MEI4: variants seen among roughly 807,000 people sequenced by gnomAD.
The protein encoded by MEI4 is meiosis-specific protein MEI4.
In MEI4, 27 loss-of-function variants were observed where a neutral mutation model predicts 31.4. The ratio of observed to expected loss-of-function variants is 0.86; its 90% confidence interval spans 0.63 to 1.19. The LOEUF (loss-of-function observed/expected upper bound fraction) is 1.19, where lower values mean the gene tolerates loss of function less well. MEI4 is among the 50% of genes most tolerant of loss of function. The pLI is 0.00. For synonymous variants in MEI4, 122 were observed against 145.4 expected, an observed-to-expected ratio of 0.84 and a Z score of 1.16; for missense variants, 329 against 398.9, an observed-to-expected ratio of 0.82 and a Z score of 1.49.
At chr6:77,708,551 G>T (rs184593481) in intron 2 of MEI4, among the ~76,000 whole-genome samples, 4 of 152,280 alleles carry the variant, frequency 2.6e-5, no homozygotes, top group Admixed American at 2.6e-4. Flanking sequence ...GAAATTTGGG[G>T]TGCCAGAGAC....
intron 2 of MEI4, among the ~76,000 whole-genome samples, chr6:77,715,609 C>A (rs1164490839): frequency 1.3e-5 from 2 of 152,124 alleles, no homozygotes; most frequent in Admixed American, 6.5e-5. Flanking sequence ...ATAGACTCTG[C>A]AGAATCAAGC....
chr6:77,835,000 C>G (rs573598954), intron 4 of MEI4, among the ~76,000 whole-genome samples: 1 of 152,232 alleles, frequency 6.6e-6, no homozygotes, highest in South Asian at 2.1e-4. Context: ...GCTATGCAAA[C>G]TTTCAGGCGT....
chr6:77,740,777 T>C (rs1476163265), intron 2 of MEI4, among the ~76,000 whole-genome samples: 2 of 151,936 alleles, frequency 1.3e-5, no homozygotes, highest in Non-Finnish European at 2.9e-5. Context: ...CACACATATT[T>C]ATATATTTAT....
chr6:77,811,106 G>A (rs962741648), intron 3 of MEI4, among the ~76,000 whole-genome samples: 1 of 152,146 alleles, frequency 6.6e-6, no homozygotes, highest in Admixed American at 6.5e-5. Flanking sequence ...GTTTGTAGAT[G>A]ATCTCCAGTA....
At chr6:77,813,257 A>T (rs1769615735) in intron 3 of MEI4, among the ~76,000 whole-genome samples, 1 of 152,100 alleles carries the variant, frequency 6.6e-6, no homozygotes, top group Non-Finnish European at 1.5e-5. Context: ...AGTTTGTTTC[A>T]GTTCTTAGTG....
Position 77,924,917 on chromosome 6 carries a change from CA to C in MEI4, c.*1572del, listed in dbSNP as rs1766809697. On this transcript the variant is annotated 3_prime_UTR_variant, in exon 5 of 5. Transcript: ENST00000684080. ...AATTATTAGGGCCAATAATTTACTT[CA>C]CAACAAGTACCAGTTGAATACAAGA... 1 of 151,850 alleles carries C rather than the reference CA, an allele frequency of 6.6e-6. No individual in the cohort carries two copies. Among genetic ancestry groups the C allele is most frequent in the African/African-American group, 2.4e-5 (1 of 41,388 alleles). 9.4% of individuals were successfully genotyped at this position (151,850 alleles called of 1,614,324 possible).
intron 2 of MEI4, among the ~76,000 whole-genome samples, chr6:77,758,771 C>T (rs1229187277): frequency 7.2e-5 from 11 of 152,196 alleles, no homozygotes; most frequent in Non-Finnish European, 1.3e-4. Context: ...TTTCCAACCT[C>T]TGCTTATCCA....
At chr6:77,891,560 TTGTATCTCAC>T (rs1474867414) in intron 4 of MEI4, among the ~76,000 whole-genome samples, 2 of 152,190 alleles carry the variant, frequency 1.3e-5, no homozygotes, top group Non-Finnish European at 2.9e-5. Flanking sequence ...CTTTGCTCTC[TTGTATCTCAC>T]TGTTTCTTCA....
At chr6:77,873,030 G>A (rs1244070615) in intron 4 of MEI4, among the ~76,000 whole-genome samples, 2 of 151,398 alleles carry the variant, frequency 1.3e-5, no homozygotes, top group Non-Finnish European at 2.9e-5. Flanking sequence ...GAATAGTGCT[G>A]CAATAAACAT....
chr6:77,859,416 G>A (rs1770817385), intron 4 of MEI4, among the ~76,000 whole-genome samples: 1 of 152,008 alleles, frequency 6.6e-6, no homozygotes. Flanking sequence ...GGTATTTCTG[G>A]TTCTAGATCC....
intron 4 of MEI4, among the ~76,000 whole-genome samples, chr6:77,865,167 A>C (rs956904999): frequency 6.6e-6 from 1 of 152,244 alleles, no homozygotes; most frequent in Non-Finnish European, 1.5e-5. Context: ...TCACAATTAA[A>C]AGAACTAGAG....
intron 1 of MEI4, among the ~76,000 whole-genome samples, chr6:77,671,509 C>T (rs562001698): frequency 6.6e-6 from 1 of 151,962 alleles, no homozygotes; most frequent in African/African-American, 2.4e-5. Flanking sequence ...TGAAAAAAAA[C>T]CGAAGTTTAT....
intron 4 of MEI4, among the ~76,000 whole-genome samples, chr6:77,886,922 T>G (rs1771633372): frequency 6.6e-6 from 1 of 152,204 alleles, no homozygotes; most frequent in Non-Finnish European, 1.5e-5. Flanking sequence ...TTTGATTAAT[T>G]TATCCTTTGT....
intron 2 of MEI4, among the ~76,000 whole-genome samples, chr6:77,746,382 G>A (rs75572973): frequency 0.012 from 1,802 of 152,260 alleles, 42 homozygotes; most frequent in African/African-American, 0.041. Flanking sequence ...GAAGCCCTGA[G>A]TTGAAACAAA....
Position 77,906,384 on chromosome 6 carries a change from A to T in MEI4, c.901-16705A>T, listed in dbSNP as rs114469058. Among the ~76,000 whole-genome samples, 536 of 152,184 alleles carry T rather than the reference A, an allele frequency of 3.5e-3. 1 individual carries two copies. Among genetic ancestry groups the T allele is most frequent in the African/African-American group, 0.01 (436 of 41,552 alleles). ...CAGCGGTGCTTGCTAGTTGGAGTTC[A>T]GAGGTTCCAGCACCAAGGGCAAAGT... On this transcript the variant is annotated intron_variant, in intron 4 of 4. Coordinates refer to ENST00000684080, the MANE Select transcript of MEI4 (RefSeq NM_001322247.2).
At chr6:77,792,342 G>C (rs1163760117) in intron 3 of MEI4, among the ~76,000 whole-genome samples, 1 of 152,130 alleles carries the variant, frequency 6.6e-6, no homozygotes, top group Non-Finnish European at 1.5e-5. Flanking sequence ...TCGTATGACA[G>C]TTGTAGTTTT....
chr6:77,773,086 A>G (rs1256890842), intron 3 of MEI4, among the ~76,000 whole-genome samples: 1 of 152,032 alleles, frequency 6.6e-6, no homozygotes, highest in African/African-American at 2.4e-5. Context: ...ATGGATTGGA[A>G]TAATCAATAT....
intron 1 of MEI4, among the ~76,000 whole-genome samples, chr6:77,685,616 T>C (rs954680542): frequency 2.0e-5 from 3 of 152,058 alleles, no homozygotes; most frequent in Non-Finnish European, 4.4e-5. Flanking sequence ...AAAGTATCTT[T>C]GTCAAGACCC....
chr6:77,683,248 GTTTA>G (rs1768990686), intron 1 of MEI4, among the ~76,000 whole-genome samples: 1 of 151,682 alleles, frequency 6.6e-6, no homozygotes, highest in East Asian at 1.9e-4. Flanking sequence ...AATCTTCTTT[GTTTA>G]TTAATTTATT....
Sources: allele counts gnomAD v4.1 joint callset (sites outside exome capture counted in the v4.1 genomes callset), GRCh38; gene constraint gnomAD v4.1.1; transcripts MANE v1.5; gene names NCBI Gene and HGNC (gene_info 2026-07-23, HGNC 2026-07-21).